Variants in LRP6 observed in about 807,000 individuals in gnomAD.
LRP6 encodes the protein low-density lipoprotein receptor-related protein 6.
Under a neutral mutation model 184.1 loss-of-function variants are expected in LRP6, and 43 were observed. The observed-to-expected ratio is 0.23, with a 90% CI of 0.18 to 0.30. The LOEUF is 0.30. Among genes scored for constraint, LRP6 ranks in the 10% least tolerant of loss-of-function variants. The pLI, the probability that LRP6 is intolerant of heterozygous loss-of-function variation, is 1.00. For synonymous variants in LRP6, 719 were observed against 684.9 expected, an observed-to-expected ratio of 1.05 and a Z score of -0.78; for missense variants, 1,571 against 2,005.3, an observed-to-expected ratio of 0.78 and a Z score of 4.14.
intron 15 of LRP6, among the ~76,000 whole-genome samples, chr12:12,144,769 T>G (rs574848947): frequency 7.9e-4 from 121 of 152,226 alleles, no homozygotes; most frequent in African/African-American, 2.8e-3. Context: ...TGCAGAGACA[T>G]GGATGAAGCT....
At chr12:12,266,495 T>C (rs879842271) in intron 1 of LRP6, among the ~76,000 whole-genome samples, 186 bp downstream of exon 1, 13 of 152,082 alleles carry the variant, frequency 8.5e-5, no homozygotes, top group Non-Finnish European at 1.3e-4. Flanking sequence ...CAGGTCCGCA[T>C]TGTGGCCGGG....
At chr12:12,125,572 T>C (rs1949662090) in intron 20 of LRP6, 140 bp from the exon 21 acceptor site, 2 of 773,962 alleles carry the variant, frequency 2.6e-6, no homozygotes, top group African/African-American at 3.5e-5. Context: ...TTTCCTATAA[T>C]TGAAAACATT....
At chr12:12,179,381 GATATAGATA>G (rs1863281895) in intron 7 of LRP6, among the ~76,000 whole-genome samples, 1 of 60,844 alleles carries the variant, frequency 1.6e-5, no homozygotes, top group Non-Finnish European at 4.1e-5. Context: ...TATAGATATA[GATATAGATA>G]TAGATATAGA....
intron 2 of LRP6, among the ~76,000 whole-genome samples, chr12:12,233,348 G>A (rs1864841337): frequency 6.6e-6 from 1 of 152,032 alleles, no homozygotes; most frequent in African/African-American, 2.4e-5. Context: ...GGTGCTTATA[G>A]TCCCAGCTAC....
chr12:12,202,684 G>A (rs1251691375), intron 3 of LRP6, among the ~76,000 whole-genome samples: 1 of 152,182 alleles, frequency 6.6e-6, no homozygotes, highest in Non-Finnish European at 1.5e-5. Context: ...TACTATCTGA[G>A]CCTTTACAGA....
chr12:12,125,439 TAAAAG>T lies in LRP6; in HGVS notation c.4313-12_4313-8del. The stretch of plus-strand genomic sequence containing the variant: ...GATTTACCTCGAGACATTCCTAAAA[TAAAAG>T]GAGGTTAAAAACTGAAGATGAGTAT... On this transcript the variant is annotated splice_polypyrimidine_tract_variant and splice_region_variant and intron_variant, in intron 20 of 22. Transcript: ENST00000261349. 1 of 1,613,470 alleles carries T rather than the reference TAAAAG, an allele frequency of 6.2e-7. No individual in the cohort carries two copies. The highest frequency in any genetic ancestry group is 1.1e-5 in the South Asian group (1 of 91,006).
rs1468733585 is a variant in LRP6 at position 12,151,516 on chromosome 12, G to C, written c.2792-478C>G. On this transcript the variant is annotated intron_variant, in intron 12 of 22. Transcript: ENST00000261349. ...AAAAGAAGGCTGATTTTTAGTCTCA[G>C]CCTTCTCATTTGATCTTAAGTCACT... Among the ~76,000 whole-genome samples, 5 of 151,200 alleles carry C rather than the reference G, an allele frequency of 3.3e-5. No individual in the cohort carries two copies. In the South Asian group the frequency reaches 8.4e-4, roughly 25 times the overall value.
chr12:12,129,272 C>T (rs1386596148), intron 19 of LRP6, among the ~76,000 whole-genome samples: 2 of 152,156 alleles, frequency 1.3e-5, no homozygotes, highest in Non-Finnish European at 2.9e-5. Flanking sequence ...CCATGCTAGT[C>T]TTTTTCTTGA....
intron 7 of LRP6, among the ~76,000 whole-genome samples, chr12:12,174,745 C>A (rs999395196): frequency 6.6e-6 from 1 of 152,214 alleles, no homozygotes; most frequent in African/African-American, 2.4e-5. Flanking sequence ...CCTGCAATTT[C>A]AGGCTTAGAA....
At chr12:12,182,993 C>T (rs951396905) in intron 5 of LRP6, among the ~76,000 whole-genome samples, 9 of 152,212 alleles carry the variant, frequency 5.9e-5, no homozygotes, top group Non-Finnish European at 8.8e-5. Flanking sequence ...AAAAAAGCAA[C>T]ATTACAAAAA....
intron 2 of LRP6, among the ~76,000 whole-genome samples, chr12:12,237,602 T>G (rs1045327369): frequency 6.6e-6 from 1 of 152,180 alleles, no homozygotes; most frequent in Admixed American, 6.5e-5. Flanking sequence ...AGTATCCACA[T>G]AATGTGCCTG....
rs190967851 is a variant in LRP6 at position 12,143,997 on chromosome 12, T to C, written c.3397+3369A>G. Among the ~76,000 whole-genome samples the C allele has an allele frequency of 6.0e-4, 92 of 152,350 alleles. 1 individual carries two copies. Among genetic ancestry groups the C allele is most frequent in the African/African-American group, 2.0e-3 (83 of 41,582 alleles). ...ATCCCTCAACTCCCATGAAGATTTC[T>C]TAAACAACATAAAAGATGTTAACCG... On this transcript the variant is annotated intron_variant, in intron 15 of 22. Coordinates refer to ENST00000261349, the MANE Select transcript of LRP6 (RefSeq NM_002336.3).
intron 16 of LRP6, among the ~76,000 whole-genome samples, chr12:12,137,508 A>G (rs1015119956): frequency 5.2e-4 from 79 of 151,904 alleles, no homozygotes; most frequent in Middle Eastern, 6.8e-3. Flanking sequence ...AAAGGGGGGG[A>G]AAAAAACCAA....
At position 12,202,690 on chromosome 12, in the gene LRP6, A is replaced by G. The variant is rs572121115; in HGVS notation, c.647+513T>C. ...TAAAATATTTACTATCTGAGCCTTT[A>G]CAGAAAATCTTGGCCAAACCCCGTC... On this transcript the variant is annotated intron_variant, in intron 3 of 22. Coordinates refer to ENST00000261349, the MANE Select transcript of LRP6 (RefSeq NM_002336.3). 3.3e-5 allele frequency among the ~76,000 whole-genome samples: 5 copies of G among 152,378 alleles called. No homozygotes were observed. The South Asian group carries it at 1.0e-3, about 32-fold the overall frequency.
Position 12,173,064 on chromosome 12 carries a change from T to C in LRP6, c.1545+6746A>G, listed in dbSNP as rs567618221. Among the ~76,000 whole-genome samples, 35 of 152,368 alleles carry C rather than the reference T, an allele frequency of 2.3e-4. 1 individual carries two copies. The South Asian group carries it at 5.0e-3, about 22-fold the overall frequency. ...GAATATTAAAGATTTGCAATTACTA[T>C]GCTCTTTTTCTGTTAGAGCTAAAAA... is the stretch of plus-strand genomic sequence containing the variant. On this transcript the variant is annotated intron_variant, in intron 7 of 22. Coordinates refer to ENST00000261349, the MANE Select transcript of LRP6 (RefSeq NM_002336.3).
rs145431655 is a variant in LRP6 at position 12,130,802 on chromosome 12, C to G, written c.4062G>C (p.Lys1354Asn). The part of the protein sequence containing the change: ...KCDHNVDCSD[K>N]SDELDCYPTE... ...ACTTACAACAATCCAGTTCATCTGA[C>G]TTGTCACTGCAATCCACATTATGAT... Residue 1354 changes from lysine to asparagine, a missense_variant, in exon 19 of 23, where the codon AAG (lysine) becomes AAC (asparagine). By Grantham distance (94) the Lys-to-Asn change is moderately conservative. Coordinates refer to ENST00000261349, the MANE Select transcript of LRP6 (RefSeq NM_002336.3). 307 of 1,610,646 alleles carry G rather than the reference C, an allele frequency of 1.9e-4. 1 individual carries two copies. The highest frequency in any genetic ancestry group is 5.5e-4 in the Admixed American group (33 of 60,008).
At chr12:12,154,993 C>A (rs1288047476) in intron 12 of LRP6, among the ~76,000 whole-genome samples, 1 of 152,064 alleles carries the variant, frequency 6.6e-6, no homozygotes, top group Non-Finnish European at 1.5e-5. Context: ...GTCAGGAGTT[C>A]AAGACCAGCC....
chr12:12,158,728 G>A (rs1462765399), intron 12 of LRP6, 101 bp downstream of exon 12: 3 of 1,175,000 alleles, frequency 2.6e-6, no homozygotes, highest in Admixed American at 3.5e-5. Context: ...ACCCCCTCTG[G>A]ATTTCCACAC....
At chr12:12,166,091 GATT>G (rs1335806339) in intron 7 of LRP6, among the ~76,000 whole-genome samples, 1 of 152,122 alleles carries the variant, frequency 6.6e-6, no homozygotes, top group Non-Finnish European at 1.5e-5. Context: ...TTACATATAA[GATT>G]ATATCTGATA....
Sources: allele counts gnomAD v4.1 joint callset (sites outside exome capture counted in the v4.1 genomes callset), GRCh38; gene constraint gnomAD v4.1.1; transcripts MANE v1.5; gene names NCBI Gene and HGNC (gene_info 2026-07-23, HGNC 2026-07-21).